The following HSDL1 variants were observed in gnomAD, a reference collection of about 807,000 sequenced individuals.
HSDL1 encodes inactive hydroxysteroid dehydrogenase-like protein 1.
A neutral mutation model predicts 31.5 loss-of-function variants in HSDL1; 29 were observed. That is an observed-to-expected ratio of 0.92 (90% CI 0.69 to 1.26). The LOEUF (loss-of-function observed/expected upper bound fraction) is 1.26. HSDL1 is among the 50% of genes most tolerant of loss of function. The pLI is 0.00. For missense variants in HSDL1, 503 were observed against 416.6 expected, an observed-to-expected ratio of 1.21 and a Z score of -1.81; for synonymous variants, 222 against 155.2, an observed-to-expected ratio of 1.43 and a Z score of -3.20.
At chr16:84,125,919 G>T (rs1184750325) in intron 5 of HSDL1, among the ~76,000 whole-genome samples, 5 of 152,060 alleles carry the variant, frequency 3.3e-5, no homozygotes, top group Non-Finnish European at 7.4e-5. Flanking sequence ...CTGGCTAACA[G>T]GGTGAAACCC....
At chr16:84,143,207 T>C (rs1427335672) in intron 1 of HSDL1, among the ~76,000 whole-genome samples, 1 of 152,080 alleles carries the variant, frequency 6.6e-6, no homozygotes, top group Non-Finnish European at 1.5e-5. Context: ...AAAATGTCCA[T>C]CAACAAATGA....
intron 1 of HSDL1, among the ~76,000 whole-genome samples, chr16:84,144,703 G>T (rs2086822570): frequency 6.6e-6 from 1 of 151,982 alleles, no homozygotes; most frequent in South Asian, 2.1e-4. Context: ...GGAGGGCAGG[G>T]CATGCGCCGG....
chr16:84,129,558 T>C lies in HSDL1; in HGVS notation c.884A>G (p.His295Arg). 1 of 1,609,284 alleles carries C rather than the reference T, an allele frequency of 6.2e-7. No homozygotes were observed. ...GAAGCACACTCCTACCTGAATAGAA[T>C]GGGACCAATATCCTGTGGTCCTTTT... ...ISKRTTGYWS[H>R]SIQFLFAQYM... The change falls in exon 5 of 6, where the codon CAT (histidine) becomes CGT (arginine). Residue 295 changes from histidine (H) to arginine (R), a missense_variant. Physicochemically the swap from His to Arg is conservative, Grantham distance 29. Transcript: ENST00000219439.
Position 84,123,963 on chromosome 16 carries a change from T to C in HSDL1, c.*667A>G, listed in dbSNP as rs2086578511. ...TTATTTAGGATGAAAAGGAATAATC[T>C]AGATTGTTTTAATACCCTATAAGAG... On this transcript the variant is annotated 3_prime_UTR_variant, in exon 6 of 6. Transcript: ENST00000219439. 3 of 152,224 alleles carry C rather than the reference T, an allele frequency of 2.0e-5. No individual in the cohort carries two copies. Among genetic ancestry groups the C allele is most frequent in the Admixed American group, 2.0e-4 (3 of 15,282 alleles). 9.4% of individuals were successfully genotyped at this position (152,224 alleles called of 1,614,324 possible).
intron 1 of HSDL1, among the ~76,000 whole-genome samples, chr16:84,136,971 C>A (rs2086718755): frequency 6.6e-6 from 1 of 152,116 alleles, no homozygotes; most frequent in Non-Finnish European, 1.5e-5. Context: ...GGATAGTGAA[C>A]AACACAGCGA....
At chr16:84,132,052 T>G (rs1444397933) in intron 2 of HSDL1, among the ~76,000 whole-genome samples, 1 of 152,230 alleles carries the variant, frequency 6.6e-6, no homozygotes, top group Non-Finnish European at 1.5e-5. Flanking sequence ...AGGAGACTAA[T>G]CAACATAACT....
intron 1 of HSDL1, among the ~76,000 whole-genome samples, chr16:84,143,043 T>C (rs1444123267): frequency 6.6e-6 from 1 of 152,178 alleles, no homozygotes; most frequent in African/African-American, 2.4e-5. Flanking sequence ...CTCTTCACCA[T>C]CATGTCTGTA....
intron 1 of HSDL1, among the ~76,000 whole-genome samples, chr16:84,142,266 T>G (rs1259961293): frequency 1.3e-5 from 2 of 152,112 alleles, no homozygotes; most frequent in Non-Finnish European, 1.5e-5. Flanking sequence ...ATATCAATCT[T>G]TCTGCTTTAG....
In HSDL1 at chr16:84,124,573, T is replaced by C. The variant is rs1597369951; in HGVS notation, c.*57A>G. On this transcript the variant is annotated 3_prime_UTR_variant, in exon 6 of 6. Coordinates refer to ENST00000219439, the MANE Select transcript of HSDL1 (RefSeq NM_031463.5). ...GATAAATTAAATGTGTTTTTCCAAA[T>C]GTCAGAATATCGAGGTTCCCAGGAG... The C allele has an allele frequency of 1.4e-5, 14 of 1,011,652 alleles. No individual in the cohort carries two copies. The East Asian group carries it at 3.1e-4, about 22-fold the overall frequency. The allele number at this position is 1,011,652 out of a possible 1,614,324, so 62.7% of individuals were successfully genotyped here.
In HSDL1 at chr16:84,130,124, C is replaced by T. The variant is rs771260561; in HGVS notation, c.528G>A (p.Val176=). The change falls in exon 4 of 6, where the codon GTG becomes GTA. Residue 176 remains valine (V), a synonymous_variant. Transcript: ENST00000219439. ...SEDKLWDIIN[V]NIAAASLMVH... ...CCATCAAACTAGCGGCGGCAATGTT[C>T]ACATTTATGATGTCCCAGAGCTTGT... The T allele has an allele frequency of 1.9e-6, 3 of 1,614,156 alleles. No homozygotes were observed. The East Asian group carries it at 6.7e-5, about 36-fold the overall frequency.
At chr16:84,136,871 A>C (rs541920127) in intron 1 of HSDL1, among the ~76,000 whole-genome samples, 2 of 152,348 alleles carry the variant, frequency 1.3e-5, no homozygotes, top group East Asian at 3.9e-4. Context: ...CAAGTTCTTC[A>C]TTCCTTAGAG....
chr16:84,139,338 A>C (rs902385358), intron 1 of HSDL1: 3 of 152,358 alleles, frequency 2.0e-5, no homozygotes, highest in Admixed American at 1.3e-4. Context: ...TCAAAGAGAG[A>C]GAGCCATGTG....
chr16:84,134,888 A>G (rs2086698624), intron 2 of HSDL1, among the ~76,000 whole-genome samples: 1 of 152,236 alleles, frequency 6.6e-6, no homozygotes, highest in Admixed American at 6.5e-5. Flanking sequence ...TATTCTTCTA[A>G]TAACAGGTAG....
rs1206800462 is a variant in HSDL1, at chr16:84,122,972, C to T, written c.*1658G>A. 1 of 152,202 alleles carries T rather than the reference C, an allele frequency of 6.6e-6. No homozygotes were observed. The highest frequency in any genetic ancestry group is 1.5e-5 in the Non-Finnish European group (1 of 68,046). The allele number at this position is 152,202 out of a possible 1,614,324, so 9.4% of individuals were successfully genotyped here. A position where few individuals can be genotyped will look rare whatever the true frequency, so the allele number is the denominator to read the frequency against. ...GACCACGTAACCTTACATATAACTACCTGACCATATTTTCACATGAAGTTG... is the reference window on the plus strand; with the variant it reads ...GACCACGTAACCTTACATATAACTATCTGACCATATTTTCACATGAAGTTG... On this transcript the variant is annotated 3_prime_UTR_variant, in exon 6 of 6. Transcript: ENST00000219439.
chr16:84,136,157 C>T (rs3809620), intron 1 of HSDL1, among the ~76,000 whole-genome samples: 12,837 of 152,284 alleles, frequency 0.084, 944 homozygotes, highest in African/African-American at 0.19. Context: ...GATTCTGGCT[C>T]GCCCACCTTA....
chr16:84,130,290 A>G lies in HSDL1; in HGVS notation c.362T>C (p.Ile121Thr), dbSNP rs948198951. Residue 121 changes from isoleucine to threonine, a missense_variant, in exon 4 of 6, where the codon ATT (isoleucine) becomes ACT (threonine). Transcript: ENST00000219439. ...ACCGCTGCTGAAGTCCGCAACTATA[A>G]TATCAGTTTCCACTTTGTACGTGTC... Reference protein sequence around the residue: ...IADTYKVETDIIVADFSSGRE... With the variant: ...IADTYKVETDTIVADFSSGRE... 6.2e-6 allele frequency: 10 copies of G among 1,614,100 alleles called. No individual in the cohort carries two copies. Among genetic ancestry groups the G allele is most frequent in the Middle Eastern group, 1.6e-4 (1 of 6,084 alleles).
intron 2 of HSDL1, among the ~76,000 whole-genome samples, chr16:84,131,549 C>A (rs1474180029): frequency 6.6e-6 from 1 of 152,124 alleles, no homozygotes; most frequent in Non-Finnish European, 1.5e-5. Flanking sequence ...GAGTCTCACC[C>A]TGTCGCCCAG....
intron 2 of HSDL1, among the ~76,000 whole-genome samples, chr16:84,134,264 A>ACAGT (rs2086692735): frequency 1.3e-5 from 2 of 152,110 alleles, no homozygotes; most frequent in African/African-American, 4.8e-5. Context: ...TAGCCCTTGA[A>ACAGT]CAGTCATAAG....
intron 1 of HSDL1, among the ~76,000 whole-genome samples, chr16:84,136,701 A>G (rs901843693): frequency 1.8e-4 from 28 of 152,214 alleles, no homozygotes; most frequent in African/African-American, 6.8e-4. Flanking sequence ...CAACGCCCCC[A>G]CTAGACACCC....
Sources: gnomAD v4.1 joint callset for allele counts (sites outside exome capture counted in the v4.1 genomes callset) on GRCh38, gnomAD v4.1.1 for gene constraint, MANE v1.5 for transcripts, NCBI Gene and HGNC (gene_info 2026-07-23, HGNC 2026-07-21) for gene names.